The following XYLB variants were observed in gnomAD, a reference collection of about 807,000 sequenced individuals.
XYLB encodes the protein xylulose kinase.
Under a neutral mutation model 78.7 loss-of-function variants are expected in XYLB, and 62 were observed. That is an observed-to-expected ratio of 0.79 (90% CI 0.64 to 0.97). The LOEUF (loss-of-function observed/expected upper bound fraction) is 0.97, where lower values mean the gene tolerates loss of function less well. Ranked by LOEUF, XYLB falls within the 50% of genes least tolerant of loss-of-function variation. XYLB has a pLI of 0.00. For synonymous variants in XYLB, 245 were observed against 247.4 expected, an observed-to-expected ratio of 0.99 and a Z score of 0.09; for missense variants, 687 against 676.8, an observed-to-expected ratio of 1.02 and a Z score of -0.17.
At chr3:38,409,591 C>T (rs1301632417) in intron 18 of XYLB, among the ~76,000 whole-genome samples, 1 of 152,196 alleles carries the variant, frequency 6.6e-6, no homozygotes, top group East Asian at 1.9e-4. Flanking sequence ...AAGAGGAAGT[C>T]AAATTGTCCC....
At chr3:38,388,258 G>A (rs568308634) in intron 15 of XYLB, among the ~76,000 whole-genome samples, 1 of 150,254 alleles carries the variant, frequency 6.7e-6, no homozygotes, top group East Asian at 1.9e-4. Context: ...CGGAGATGTC[G>A]GTCAGTGGAT....
the XYLB span, among the ~76,000 whole-genome samples, chr3:38,431,143 G>A: frequency 6.6e-6 from 1 of 152,136 alleles, no homozygotes; most frequent in Non-Finnish European, 1.5e-5. Context: ...AATTACCTTG[G>A]GCAGTATGGC....
At chr3:38,374,181 C>G (rs1706722966) in intron 10 of XYLB, among the ~76,000 whole-genome samples, 1 of 152,184 alleles carries the variant, frequency 6.6e-6, no homozygotes, top group Non-Finnish European at 1.5e-5. Flanking sequence ...TCTCTGCACT[C>G]TCGGAAGTGC....
At chr3:38,364,468 G>A (rs80124851) in intron 4 of XYLB, among the ~76,000 whole-genome samples, 3,550 of 151,408 alleles carry the variant, frequency 0.023, 142 homozygotes, top group African/African-American at 0.08. Context: ...CCAGCCTCCT[G>A]AGCATGGTTT....
chr3:38,356,550 CCTT>C (rs1286847441), intron 2 of XYLB: 1 of 152,164 alleles, frequency 6.6e-6, no homozygotes, highest in East Asian at 1.9e-4. Context: ...TATGTGACAG[CCTT>C]CTTTTACTTA....
intron 18 of XYLB, among the ~76,000 whole-genome samples, chr3:38,408,194 A>T (rs1408702703): frequency 6.6e-6 from 1 of 152,114 alleles, no homozygotes; most frequent in African/African-American, 2.4e-5. Flanking sequence ...CTCTCAGACC[A>T]CAGTGCAATC....
At chr3:38,369,710 A>G (rs704949) in intron 8 of XYLB, among the ~76,000 whole-genome samples, 136,009 of 152,230 alleles carry the variant, frequency 0.89, 61,347 homozygotes, top group East Asian at 1. Context: ...AATCCCTGGG[A>G]GCTGACCTGG....
Position 38,402,053 on chromosome 3 carries a change from A to G in XYLB, c.1533+1068A>G, listed in dbSNP as rs545905501. 9.2e-5 allele frequency among the ~76,000 whole-genome samples: 14 copies of G among 152,256 alleles called. No homozygotes were observed. The South Asian group carries it at 2.7e-3, about 29-fold the overall frequency. ...ATGAACTCATGGTTCATCAGGAAGCATGAGCTTCATGCTTGCCTCATTTTC... is the reference window on the plus strand; with the variant it reads ...ATGAACTCATGGTTCATCAGGAAGCGTGAGCTTCATGCTTGCCTCATTTTC... On this transcript the variant is annotated intron_variant, in intron 18 of 18. Transcript: ENST00000207870.
chr3:38,447,350 T>C, the XYLB span, among the ~76,000 whole-genome samples: 41 of 152,272 alleles, frequency 2.7e-4, no homozygotes, highest in Non-Finnish European at 5.0e-4. Context: ...GTTGCCCAGG[T>C]TGGAGTGCAG....
intron 4 of XYLB, among the ~76,000 whole-genome samples, 192 bp from the exon 5 acceptor site, chr3:38,365,007 G>A (rs116006476): frequency 0.013 from 2,033 of 152,282 alleles, 24 homozygotes; most frequent in Non-Finnish European, 0.024. Context: ...GGGTAGACAG[G>A]GCAGAGTTCC....
Position 38,376,193 on chromosome 3 carries a change from G to A in XYLB, c.1081G>A (p.Ala361Thr). The A allele has an allele frequency of 6.2e-7, 1 of 1,614,104 alleles. No homozygotes were observed. Among genetic ancestry groups the A allele is most frequent in the Non-Finnish European group, 8.5e-7 (1 of 1,179,958 alleles). The change falls in exon 13 of 19, where the codon GCA becomes ACA. Residue 361 changes from alanine (A) to threonine (T), a missense_variant. By Grantham distance (58) the Ala-to-Thr change is moderately conservative (BLOSUM62 0). Coordinates refer to ENST00000207870, the MANE Select transcript of XYLB (RefSeq NM_005108.4). ...VSRSWSDFSK[A>T]LQSTEMGNGG... ...CCGTTCCTGGAGCGATTTCTCTAAG[G>A]CACTGCAGTCCACAGAGATGGGCAA... is the stretch of plus-strand genomic sequence containing the variant.
chr3:38,443,226 C>A, the XYLB span, among the ~76,000 whole-genome samples: 33 of 152,150 alleles, frequency 2.2e-4, no homozygotes, highest in Non-Finnish European at 2.9e-4. Flanking sequence ...TTTCCTGTCC[C>A]TCAATAGTTA....
chr3:38,418,076 TC>T (rs1708857541), downstream of XYLB, among the ~76,000 whole-genome samples: 1 of 150,774 alleles, frequency 6.6e-6, no homozygotes, highest in Admixed American at 6.6e-5. Flanking sequence ...ACGCCTGTAA[TC>T]CCAGCTACTC....
At chr3:38,387,451 A>G (rs1450691484) in intron 15 of XYLB, among the ~76,000 whole-genome samples, 2 of 151,372 alleles carry the variant, frequency 1.3e-5, no homozygotes, top group African/African-American at 2.4e-5. Context: ...GCTCACTCCA[A>G]CCTCCACCTG....
chr3:38,368,157 C>T, intron 7 of XYLB, 28 bp from the exon 8 acceptor site: 1 of 1,594,978 alleles, frequency 6.3e-7, no homozygotes, highest in Middle Eastern at 1.7e-4. Context: ...GGAAGTGAGG[C>T]ACCTCTCACT....
chr3:38,389,138 T>C (rs1707531455), intron 15 of XYLB, among the ~76,000 whole-genome samples: 1 of 146,952 alleles, frequency 6.8e-6, no homozygotes, highest in Non-Finnish European at 1.5e-5. Flanking sequence ...TAGGGAGTGG[T>C]GATGACTCTT....
downstream of XYLB, among the ~76,000 whole-genome samples, chr3:38,418,843 C>T (rs951099213): frequency 1.3e-5 from 2 of 152,076 alleles, no homozygotes; most frequent in African/African-American, 4.8e-5. Context: ...ATCATTTTAA[C>T]CATGGAAAAG....
intron 2 of XYLB, among the ~76,000 whole-genome samples, chr3:38,351,849 T>A (rs1705381519): frequency 6.6e-6 from 1 of 152,278 alleles, no homozygotes; most frequent in Non-Finnish European, 1.5e-5. Flanking sequence ...GTGGCAATAG[T>A]TGGTTCCTAT....
At position 38,395,466 on chromosome 3, in the gene XYLB, A is replaced by G. The variant is rs747413171; in HGVS notation, c.1292-39A>G. ...AAACAGCCCTTTCTGCCTTGGGAGA[A>G]CTGGCATAGCTATTTTACTTTTTTC... On this transcript the variant is annotated intron_variant, in intron 15 of 18. Coordinates refer to ENST00000207870, the MANE Select transcript of XYLB (RefSeq NM_005108.4). 1.3e-5 allele frequency: 21 copies of G among 1,607,790 alleles called. No homozygotes were observed. In the Admixed American group the frequency reaches 3.5e-4, roughly 27 times the overall value.
Sources: allele counts gnomAD v4.1 joint callset (sites outside exome capture counted in the v4.1 genomes callset), GRCh38; gene constraint gnomAD v4.1.1; transcripts MANE v1.5; gene names NCBI Gene and HGNC (gene_info 2026-07-23, HGNC 2026-07-21).